The following ASB15 variants were observed in gnomAD, a reference collection of about 807,000 sequenced individuals.
ASB15 encodes the protein ankyrin repeat and SOCS box containing 15.
Under a neutral mutation model 58.0 loss-of-function variants are expected in ASB15, and 54 were observed. The ratio of observed to expected loss-of-function variants is 0.93; its 90% CI spans 0.75 to 1.17. The LOEUF (loss-of-function observed/expected upper bound fraction) is 1.17. Among genes scored for constraint, ASB15 ranks in the 50% most tolerant of loss-of-function variants. The pLI is 0.00. For missense variants in ASB15, 680 were observed against 707.4 expected (o/e 0.96, Z 0.44); for synonymous variants, 249 against 262.4 (o/e 0.95, Z 0.50).
chr7:123,625,419 A>G (rs1273040675), intron 8 of ASB15, among the ~76,000 whole-genome samples: 3 of 152,178 alleles, frequency 2.0e-5, no homozygotes, highest in Admixed American at 6.5e-5. Context: ...AATAGTGTCA[A>G]CTATCCAAAA....
intron 7 of ASB15, among the ~76,000 whole-genome samples, chr7:123,619,498 C>T (rs182506325): frequency 4.6e-5 from 7 of 152,170 alleles, no homozygotes; most frequent in East Asian, 3.9e-4. Flanking sequence ...CTCCACGGCA[C>T]GGTGTCATTT....
intron 8 of ASB15, 127 bp from the exon 9 acceptor site, chr7:123,626,983 G>A (rs1255307887): frequency 1.1e-5 from 10 of 928,616 alleles, no homozygotes; most frequent in South Asian, 3.5e-5. Flanking sequence ...TGATCCGCCC[G>A]CCTCAGCCTC....
chr7:123,603,646 C>T (rs1240826360), intron 1 of ASB15, among the ~76,000 whole-genome samples: 1 of 151,962 alleles, frequency 6.6e-6, no homozygotes, highest in African/African-American at 2.4e-5. Flanking sequence ...AGAAGGCATG[C>T]TTATTAAGTC....
At chr7:123,635,394 T>C (rs992766307) in intron 11 of ASB15, among the ~76,000 whole-genome samples, 1 of 152,102 alleles carries the variant, frequency 6.6e-6, no homozygotes, top group African/African-American at 2.4e-5. Context: ...CTTTTTTAGC[T>C]TGGAGATTGC....
At chr7:123,634,399 G>T (rs937683251) in intron 11 of ASB15, among the ~76,000 whole-genome samples, 6 of 152,148 alleles carry the variant, frequency 3.9e-5, no homozygotes, top group Non-Finnish European at 8.8e-5. Flanking sequence ...TTTTATAGCT[G>T]CACAGTATTC....
chr7:123,618,944 G>T (rs1228500925), intron 7 of ASB15, among the ~76,000 whole-genome samples: 2 of 152,014 alleles, frequency 1.3e-5, no homozygotes, highest in African/African-American at 2.4e-5. Flanking sequence ...GGGAGGCCAA[G>T]GTGGGCGAAT....
chr7:123,611,915 G>C (rs1273814662), intron 3 of ASB15, among the ~76,000 whole-genome samples: 1 of 151,386 alleles, frequency 6.6e-6, no homozygotes, highest in Non-Finnish European at 1.5e-5. Context: ...TCACCCTACT[G>C]TCATTAGAGA....
chr7:123,614,421 C>G, intron 3 of ASB15, 80 bp from the exon 4 acceptor site: 2 of 808,856 alleles, frequency 2.5e-6, no homozygotes, highest in Non-Finnish European at 4.0e-6. Flanking sequence ...TTTCACTATG[C>G]ATTTTTCATG....
At position 123,571,119 on chromosome 7, in the gene ASB15, TC is replaced by T. The variant is rs2116269231; in HGVS notation, c.-443+4032del. Among the ~76,000 whole-genome samples the T allele has an allele frequency of 1.3e-5, 2 of 152,326 alleles. 1 individual carries two copies. The highest frequency in any genetic ancestry group is 4.1e-4 in the South Asian group (2 of 4,826). ...CCACTTGTTTTTAAGGAATAAATGA[TC>T]ATTTCTTTAAATTTACCATAAAAAC... is the stretch of plus-strand genomic sequence containing the variant. On this transcript the variant is annotated intron_variant, in intron 1 of 13. Transcript: ENST00000451558.
chr7:123,628,588 G>A (rs1801944891), intron 9 of ASB15, among the ~76,000 whole-genome samples: 1 of 152,188 alleles, frequency 6.6e-6, no homozygotes, highest in Non-Finnish European at 1.5e-5. Flanking sequence ...GGAAGATGGG[G>A]CGTGTTCTTG....
intron 1 of ASB15, among the ~76,000 whole-genome samples, chr7:123,596,590 T>C (rs1387121980): frequency 6.6e-6 from 1 of 152,002 alleles, no homozygotes; most frequent in African/African-American, 2.4e-5. Context: ...CCAGGCTAAG[T>C]GACAGAGGGA....
At chr7:123,613,406 C>T (rs1800585469) in intron 3 of ASB15, among the ~76,000 whole-genome samples, 1 of 152,136 alleles carries the variant, frequency 6.6e-6, no homozygotes, top group South Asian at 2.1e-4. Context: ...CCAGTCAACT[C>T]AGCTATAGAA....
At chr7:123,614,164 T>C (rs1450189319) in intron 3 of ASB15, 1 of 242,928 alleles carries the variant, frequency 4.1e-6, no homozygotes, top group Non-Finnish European at 7.8e-6. Context: ...CCAAGAAAAC[T>C]GATGGACCAA....
chr7:123,608,989 G>T (rs201163119), intron 3 of ASB15: 3 of 113,430 alleles, frequency 2.6e-5, no homozygotes, highest in East Asian at 2.6e-4. Flanking sequence ...AAAAAAAAAA[G>T]AAAATGTCTT....
chr7:123,581,483 A>C (rs1027615611), intron 1 of ASB15, among the ~76,000 whole-genome samples: 1 of 151,128 alleles, frequency 6.6e-6, no homozygotes, highest in Non-Finnish European at 1.5e-5. Flanking sequence ...GATCCCATCC[A>C]ACTTAAGTCC....
intron 7 of ASB15, 97 bp downstream of exon 7, chr7:123,617,834 T>G: frequency 8.2e-7 from 1 of 1,216,582 alleles, no homozygotes; most frequent in Non-Finnish European, 1.1e-6. Context: ...TGATCTCAGT[T>G]CCTTCCATTC....
Position 123,638,840 on chromosome 7 carries a change from T to C in ASB15, c.*1859T>C, listed in dbSNP as rs982119974. The C allele has an allele frequency of 3.9e-5, 6 of 152,224 alleles. No individual in the cohort carries two copies. Among genetic ancestry groups the C allele is most frequent in the Non-Finnish European group, 8.8e-5 (6 of 68,044 alleles). The allele number at this position is 152,224 out of a possible 1,614,324, so 9.4% of individuals were successfully genotyped here. A position where few individuals can be genotyped will look rare whatever the true frequency, so the allele number is the denominator to read the frequency against. On this transcript the variant is annotated 3_prime_UTR_variant, in exon 12 of 12. Transcript: ENST00000451215. Reference sequence around the variant, plus strand: ...GCACAGAACTTGTCATGCCATATTATAGATGCCTGTGTTCCCTGCTGTCTT... The same window carrying C: ...GCACAGAACTTGTCATGCCATATTACAGATGCCTGTGTTCCCTGCTGTCTT...
At chr7:123,603,762 T>C (rs1800002438) in intron 1 of ASB15, among the ~76,000 whole-genome samples, 1 of 151,778 alleles carries the variant, frequency 6.6e-6, no homozygotes, top group South Asian at 2.1e-4. Context: ...ATAAATAGAG[T>C]CCAATAGGGT....
chr7:123,585,635 TTG>T (rs35317220), intron 1 of ASB15, among the ~76,000 whole-genome samples: 36,181 of 147,014 alleles, frequency 0.25, 4,441 homozygotes, highest in East Asian at 0.39. Flanking sequence ...TAGTTACTAT[TTG>T]TGTGTGTGTG....
Sources: allele counts gnomAD v4.1 joint callset (sites outside exome capture counted in the v4.1 genomes callset), GRCh38; gene constraint gnomAD v4.1.1; transcripts MANE v1.5; gene names NCBI Gene and HGNC (gene_info 2026-07-23, HGNC 2026-07-21).